The following PTGES2 variants were observed in gnomAD, a reference collection of about 807,000 sequenced individuals.
PTGES2 encodes GATE-binding factor 1.
Under a neutral mutation model 44.5 loss-of-function variants are expected in PTGES2, and 35 were observed. The observed-to-expected ratio is 0.79, with a 90% CI of 0.60 to 1.04. The LOEUF (loss-of-function observed/expected upper bound fraction) is 1.04, where lower values mean the gene tolerates loss of function less well. Among genes scored for constraint, PTGES2 ranks in the 50% least tolerant of loss-of-function variants. The pLI, the probability that PTGES2 is intolerant of heterozygous loss-of-function variation, is 0.00. For missense variants in PTGES2, 517 were observed against 521.4 expected (o/e 0.99, Z 0.08); for synonymous variants, 221 against 227.5 (o/e 0.97, Z 0.26).
chr9:128,127,822 G>A, upstream of PTGES2: 1 of 1,103,278 alleles, frequency 9.1e-7, no homozygotes, highest in Non-Finnish European at 1.1e-6. Flanking sequence ...TGGCCGGGGT[G>A]AGGGCGACGC....
chr9:128,122,715 TC>T (rs1834462959), intron 5 of PTGES2: 1 of 638,644 alleles, frequency 1.6e-6, no homozygotes. Flanking sequence ...GGCCCAGGCT[TC>T]CGGCTTCAAG....
At chr9:128,127,368 C>A (rs1834666181) in intron 1 of PTGES2, 71 bp downstream of exon 1, 3 of 1,268,440 alleles carry the variant, frequency 2.4e-6, no homozygotes, top group East Asian at 3.0e-5. Context: ...AACTCCTGAC[C>A]CTGCGGGTTC....
Position 128,123,248 on chromosome 9 carries a change from GT to G in PTGES2, c.687-115del. 2 of 924,716 alleles carry G rather than the reference GT, an allele frequency of 2.2e-6. No individual in the cohort carries two copies. Among genetic ancestry groups the G allele is most frequent in the Non-Finnish European group, 3.1e-6 (2 of 654,878 alleles). The allele number at this position is 924,716 out of a possible 1,614,324, so 57.3% of individuals were successfully genotyped here. ...GGGAAGCTGAAGCCTGAGCAGGAAG[GT>G]CTTTTTTTTTTTTTTGAGACAAAGT... is the stretch of plus-strand genomic sequence containing the variant. On this transcript the variant is annotated intron_variant, in intron 4 of 6. Coordinates refer to ENST00000338961, the MANE Select transcript of PTGES2 (RefSeq NM_025072.7). This position sits in a 1 kb window ranked among gnomAD's most constrained non-coding sequence, Gnocchi z 4.4.
rs1388737319 is a variant in PTGES2, at chr9:128,121,036, G to A, written c.*109C>T. 2 of 1,397,458 alleles carry A rather than the reference G, an allele frequency of 1.4e-6. No individual in the cohort carries two copies. Among genetic ancestry groups the A allele is most frequent in the Non-Finnish European group, 1.9e-6 (2 of 1,027,778 alleles). 86.6% of individuals were successfully genotyped at this position (1,397,458 alleles called of 1,614,324 possible). A position where few individuals can be genotyped will look rare whatever the true frequency, so the allele number is the denominator to read the frequency against. ...GGCTGGTGGGGGTGCGTGGACAAGG[G>A]GCAGAATGATCCTGCCCCCAACCAG... On this transcript the variant is annotated 3_prime_UTR_variant, in exon 7 of 7. Coordinates refer to ENST00000338961, the MANE Select transcript of PTGES2 (RefSeq NM_025072.7).
intron 3 of PTGES2, 167 bp downstream of exon 3, chr9:128,124,325 C>G (rs1834537027): frequency 3.8e-6 from 2 of 524,456 alleles, no homozygotes; most frequent in African/African-American, 3.9e-5. Flanking sequence ...CTCAGGTGAT[C>G]TGCCTGCCTC....
At chr9:128,121,407 G>C in intron 6 of PTGES2, 134 bp from the exon 7 acceptor site, 1 of 1,106,886 alleles carries the variant, frequency 9.0e-7, no homozygotes, top group Non-Finnish European at 1.3e-6. Flanking sequence ...AGGGCCAACA[G>C]CACAGGTGAG....
intron 5 of PTGES2, 141 bp downstream of exon 5, chr9:128,122,793 G>T (rs986081674): frequency 9.5e-6 from 8 of 845,280 alleles, no homozygotes; most frequent in Non-Finnish European, 1.5e-5. Flanking sequence ...TTGGCCAAGG[G>T]ACCCATAATC....
chr9:128,123,766 T>C lies in PTGES2; in HGVS notation c.622A>G (p.Lys208Glu), dbSNP rs1834513738. Reference protein sequence around the residue: ...QGKEVTEFGNKYWLMLNEKEA... With the variant: ...QGKEVTEFGNEYWLMLNEKEA... The stretch of plus-strand genomic sequence containing the variant: ...TTCTCGTTGAGCATGAGCCAGTACT[T>C]ATTGCCGAACTCGGTCACCTCCTTG... The change falls in exon 4 of 7, where the codon AAG becomes GAG. Residue 208 changes from lysine (K) to glutamate (E), a missense_variant. Transcript: ENST00000338961. The surrounding 1 kb of genome is among the most constrained non-coding windows in gnomAD (Gnocchi z 4.4). The C allele has an allele frequency of 6.2e-7, 1 of 1,614,012 alleles. No homozygotes were observed. Among genetic ancestry groups the C allele is most frequent in the Non-Finnish European group, 8.5e-7 (1 of 1,180,020 alleles).
At chr9:128,124,575 T>C in intron 2 of PTGES2, 25 bp from the exon 3 acceptor site, 4 of 1,611,082 alleles carry the variant, frequency 2.5e-6, no homozygotes, top group Non-Finnish European at 3.4e-6. Flanking sequence ...GGTGGTTTAA[T>C]CAGAGGTTGC....
rs1554743052 is a variant in PTGES2 at position 128,122,345 on chromosome 9, G to A, written c.1005+17C>T. The A allele has an allele frequency of 6.3e-7, 1 of 1,598,742 alleles. No individual in the cohort carries two copies. Among genetic ancestry groups the A allele is most frequent in the South Asian group, 1.1e-5 (1 of 90,778 alleles). ...AGAACCCTCGGTCCAGGCACCACCT[G>A]CCACCACCACACTCACCAAATCAGC... On this transcript the variant is annotated intron_variant, in intron 6 of 6. Transcript: ENST00000338961.
Position 128,121,037 on chromosome 9 carries a change from G to T in PTGES2, c.*108C>A. 7.2e-7 allele frequency: 1 copy of T among 1,398,328 alleles called. No homozygotes were observed. The highest frequency in any genetic ancestry group is 9.7e-7 in the Non-Finnish European group (1 of 1,028,546). The allele number at this position is 1,398,328 out of a possible 1,614,324, so 86.6% of individuals were successfully genotyped here. On this transcript the variant is annotated 3_prime_UTR_variant, in exon 7 of 7. Transcript: ENST00000338961. ...GCTGGTGGGGGTGCGTGGACAAGGG[G>T]CAGAATGATCCTGCCCCCAACCAGT...
rs564602291 is a variant in PTGES2 at position 128,121,373 on chromosome 9, C to T, written c.1006-100G>A. On this transcript the variant is annotated intron_variant, in intron 6 of 6. Coordinates refer to ENST00000338961, the MANE Select transcript of PTGES2 (RefSeq NM_025072.7). Reference sequence around the variant, plus strand: ...GTGTGGCCAGGTCCCGTCCCCTCCCCCCTTGGAGCTCGTGACCCACTCAAG... The same window carrying T: ...GTGTGGCCAGGTCCCGTCCCCTCCCTCCTTGGAGCTCGTGACCCACTCAAG... The T allele has an allele frequency of 4.8e-6, 7 of 1,445,542 alleles. No homozygotes were observed. The South Asian group carries it at 8.2e-5, about 17-fold the overall frequency. 89.5% of individuals were successfully genotyped at this position (1,445,542 alleles called of 1,614,324 possible). A position where few individuals can be genotyped will look rare whatever the true frequency, so the allele number is the denominator to read the frequency against.
Position 128,121,018 on chromosome 9 carries a change from G to C in PTGES2, c.*127C>G. The C allele has an allele frequency of 8.2e-7, 1 of 1,216,792 alleles. No homozygotes were observed. Among genetic ancestry groups the C allele is most frequent in the Non-Finnish European group, 1.1e-6 (1 of 874,006 alleles). The allele number at this position is 1,216,792 out of a possible 1,614,324, so 75.4% of individuals were successfully genotyped here. A position where few individuals can be genotyped will look rare whatever the true frequency, so the allele number is the denominator to read the frequency against. On this transcript the variant is annotated 3_prime_UTR_variant, in exon 7 of 7. Transcript: ENST00000338961. Reference sequence around the variant, plus strand: ...CTGTGTTAGAAGCGAGAGGGCTGGTGGGGGTGCGTGGACAAGGGGCAGAAT... The same window carrying C: ...CTGTGTTAGAAGCGAGAGGGCTGGTCGGGGTGCGTGGACAAGGGGCAGAAT...
chr9:128,121,197 G>C lies in PTGES2; in HGVS notation c.1082C>G (p.Pro361Arg). 6.3e-7 allele frequency: 1 copy of C among 1,595,302 alleles called. No homozygotes were observed. The highest frequency in any genetic ancestry group is 8.5e-7 in the Non-Finnish European group (1 of 1,171,176). The change falls in exon 7 of 7, where the codon CCC becomes CGC. Residue 361 changes from proline to arginine, a missense_variant. Transcript: ENST00000338961. Reference sequence around the variant, plus strand: ...GGCCCTCTCCACCCGCAGGTACCAGGGCTGGATGTGCGTGTGCTGCATCAG... The same window carrying C: ...GGCCCTCTCCACCCGCAGGTACCAGCGCTGGATGTGCGTGTGCTGCATCAG... The part of the protein sequence containing the change: ...DDLMQHTHIQ[P>R]WYLRVERAIT...
chr9:128,127,367 C>A, intron 1 of PTGES2, 72 bp downstream of exon 1: 3 of 1,266,120 alleles, frequency 2.4e-6, no homozygotes, highest in Non-Finnish European at 3.0e-6. Flanking sequence ...CAACTCCTGA[C>A]CCTGCGGGTT....
chr9:128,123,589 C>A lies in PTGES2; in HGVS notation c.686+113G>T. 1 of 1,158,792 alleles carries A rather than the reference C, an allele frequency of 8.6e-7. No individual in the cohort carries two copies. The highest frequency in any genetic ancestry group is 1.2e-6 in the Non-Finnish European group (1 of 823,440). The allele number at this position is 1,158,792 out of a possible 1,614,324, so 71.8% of individuals were successfully genotyped here. A position where few individuals can be genotyped will look rare whatever the true frequency, so the allele number is the denominator to read the frequency against. ...AAATCCGGCATGGCCCGGCCCCAGC[C>A]CCGCTGGTCTCCCATGCTGCTCCCT... On this transcript the variant is annotated intron_variant, in intron 4 of 6. Coordinates refer to ENST00000338961, the MANE Select transcript of PTGES2 (RefSeq NM_025072.7). The surrounding 1 kb of genome is among the most constrained non-coding windows in gnomAD (Gnocchi z 4.4).
upstream of PTGES2, chr9:128,128,166 C>T (rs1834722604): frequency 1.4e-5 from 2 of 138,948 alleles, no homozygotes; most frequent in Non-Finnish European, 1.3e-5. Flanking sequence ...CCCGACCCGG[C>T]ACCAGGTGTT....
intron 3 of PTGES2, among the ~76,000 whole-genome samples, chr9:128,124,176 C>T (rs950972936): frequency 6.6e-6 from 1 of 152,204 alleles, no homozygotes; most frequent in East Asian, 1.9e-4. Flanking sequence ...CTCTGCCTCC[C>T]GGGTTCAAGC....
Position 128,123,035 on chromosome 9 carries a change from G to C in PTGES2, c.786C>G (p.Asp262Glu). The C allele has an allele frequency of 6.2e-7, 1 of 1,613,858 alleles. No individual in the cohort carries two copies. Among genetic ancestry groups the C allele is most frequent in the Non-Finnish European group, 8.5e-7 (1 of 1,180,022 alleles). ...CGAACTTGCCCTCGCGGACAATGTA[G>C]TCAAAGGACGCCAGAGCCTCGGTGG... ...RTPTEALASF[D>E]YIVREGKFGA... is the part of the protein sequence containing the mutation. Residue 262 changes from aspartate (D) to glutamate (E), a missense_variant, in exon 5 of 7, where the codon GAC becomes GAG. Physicochemically the swap from Asp to Glu is conservative, Grantham distance 45 (BLOSUM62 2). Coordinates refer to ENST00000338961, the MANE Select transcript of PTGES2 (RefSeq NM_025072.7). This position sits in a 1 kb window ranked among gnomAD's most constrained non-coding sequence, Gnocchi z 4.4.
Sources: allele counts gnomAD v4.1 joint callset (sites outside exome capture counted in the v4.1 genomes callset), GRCh38; gene constraint gnomAD v4.1.1; non-coding constraint Gnocchi (gnomAD v3.1); transcripts MANE v1.5; gene names NCBI Gene and HGNC (gene_info 2026-07-23, HGNC 2026-07-21).